The following TTC3 variants were observed in gnomAD, a reference collection of about 807,000 sequenced individuals.
The protein encoded by TTC3 is tetratricopeptide repeat domain 3, also known as E3 ubiquitin-protein ligase TTC3.
TTC3 carries 180 observed loss-of-function variants against 249.6 expected under a neutral mutation model. The observed-to-expected ratio is 0.72, with a 90% CI of 0.64 to 0.82. TTC3 has a LOEUF of 0.82. Among genes scored for constraint, TTC3 ranks in the 40% least tolerant of loss-of-function variants. TTC3 has a pLI of 0.00. For synonymous variants in TTC3, 717 were observed against 805.0 expected (o/e 0.89, Z 1.85); for missense variants, 2,061 against 2,398.4 (o/e 0.86, Z 2.94).
chr21:37,139,246 T>C (rs1249201696), intron 19 of TTC3, among the ~76,000 whole-genome samples: 1 of 152,164 alleles, frequency 6.6e-6, no homozygotes, highest in Non-Finnish European at 1.5e-5. Context: ...GTATCTCTTA[T>C]TTGTACGTAG....
At chr21:37,136,225 G>A (rs994961473) in intron 18 of TTC3, among the ~76,000 whole-genome samples, 1 of 152,060 alleles carries the variant, frequency 6.6e-6, no homozygotes, top group African/African-American at 2.4e-5. Flanking sequence ...TGGCCTCTAA[G>A]TATTCAAGTG....
chr21:37,170,570 A>G (rs556651118), intron 34 of TTC3, among the ~76,000 whole-genome samples: 1 of 152,354 alleles, frequency 6.6e-6, no homozygotes, highest in Non-Finnish European at 1.5e-5. Flanking sequence ...CTAAACCTCC[A>G]TCAATAGCGG....
At chr21:37,151,844 C>T in intron 25 of TTC3, 49 bp from the exon 26 acceptor site, 2 of 1,492,778 alleles carry the variant, frequency 1.3e-6, no homozygotes, top group Non-Finnish European at 1.8e-6. Flanking sequence ...CTACGATAGT[C>T]AAAGGAAAAC....
rs537695295 is a variant in TTC3 at position 37,087,172 on chromosome 21, A to G, written c.-11-75A>G. The G allele has an allele frequency of 5.2e-5, 80 of 1,535,568 alleles. No homozygotes were observed. The East Asian group carries it at 1.4e-3, about 28-fold the overall frequency. On this transcript the variant is annotated intron_variant, in intron 1 of 45. Transcript: ENST00000355666. ...GTTCCAAGTATTTTTCTAATATACCATAGAAGCCAGGAAAACTTTCTTCTG... is the reference window on the plus strand; with the variant it reads ...GTTCCAAGTATTTTTCTAATATACCGTAGAAGCCAGGAAAACTTTCTTCTG...
In TTC3 at chr21:37,136,136, G is replaced by T. The variant is rs1050660815; in HGVS notation, c.1578+622G>T. 2.0e-5 allele frequency among the ~76,000 whole-genome samples: 3 copies of T among 152,078 alleles called. No individual in the cohort carries two copies. The South Asian group carries it at 6.2e-4, about 32-fold the overall frequency. On this transcript the variant is annotated intron_variant, in intron 18 of 45. Transcript: ENST00000355666. ...GTTCTGAGTGCTCTGCCAACCAGCTGTTATCTCCACCCCCTTCCTTAAGTC... is the reference window on the plus strand; with the variant it reads ...GTTCTGAGTGCTCTGCCAACCAGCTTTTATCTCCACCCCCTTCCTTAAGTC...
Position 37,130,824 on chromosome 21 carries a change from A to G in TTC3, c.1358+1761A>G, listed in dbSNP as rs144822098. 1.5e-3 allele frequency among the ~76,000 whole-genome samples: 224 copies of G among 152,184 alleles called. 2 individuals are homozygous for G. Among genetic ancestry groups the G allele is most frequent in the African/African-American group, 4.9e-3 (205 of 41,488 alleles). ...TCTTCCTTTGAGAGGGATAGATCAG[A>G]CAGTACTTCAAACATCCTTGCACAT... On this transcript the variant is annotated intron_variant, in intron 16 of 45. Coordinates refer to ENST00000355666, the Ensembl canonical transcript of TTC3.
intron 11 of TTC3, among the ~76,000 whole-genome samples, chr21:37,110,637 T>C (rs2075573012): frequency 6.6e-6 from 1 of 152,160 alleles, no homozygotes. Flanking sequence ...ATCTGTAGGA[T>C]ATTATCCAGG....
chr21:37,111,508 A>G (rs2075659172), intron 11 of TTC3, among the ~76,000 whole-genome samples: 1 of 152,208 alleles, frequency 6.6e-6, no homozygotes, highest in African/African-American at 2.4e-5. Flanking sequence ...ACTATCCTAA[A>G]TATATATGCA....
chr21:37,122,417 ATAATATATATATATATATATT>A (rs1298006005), intron 12 of TTC3, among the ~76,000 whole-genome samples: 15 of 131,896 alleles, frequency 1.1e-4, no homozygotes, highest in South Asian at 2.2e-4. Flanking sequence ...ATATATATAT[ATAATATATATATATATATATT>A]ATATATATAT....
chr21:37,178,758 GA>G (rs1396387122), intron 35 of TTC3, among the ~76,000 whole-genome samples: 1 of 151,952 alleles, frequency 6.6e-6, no homozygotes, highest in African/African-American at 2.4e-5. Flanking sequence ...CCAGGAGTTT[GA>G]AACCAGCCTG....
chr21:37,154,984 C>T lies in TTC3; in HGVS notation c.2741-1671C>T, dbSNP rs144013531. 5.3e-4 allele frequency among the ~76,000 whole-genome samples: 80 copies of T among 152,222 alleles called. 1 individual carries two copies. The East Asian group carries it at 0.011, about 21-fold the overall frequency. ...TGCTGGGATTACAGGCGTCAGCCAC[C>T]GCGCCCGGTCGATATAATCCATGTT... On this transcript the variant is annotated intron_variant, in intron 27 of 45. Coordinates refer to ENST00000355666, the Ensembl canonical transcript of TTC3.
intron 28 of TTC3, 97 bp from the exon 29 acceptor site, chr21:37,159,602 A>T: frequency 7.4e-7 from 1 of 1,345,720 alleles, no homozygotes; most frequent in East Asian, 2.4e-5. Flanking sequence ...AACATGGCCT[A>T]TGCCAGTAGT....
intron 1 of TTC3, among the ~76,000 whole-genome samples, chr21:37,081,057 A>C (rs1164092518): frequency 1.3e-5 from 2 of 149,168 alleles, no homozygotes. Flanking sequence ...GTAGGGTAGG[A>C]ATACTATTCT....
rs1022049643 is a variant in TTC3 at position 37,140,119 on chromosome 21, C to T, written c.1660-442C>T. 2.6e-5 allele frequency among the ~76,000 whole-genome samples: 4 copies of T among 152,126 alleles called. No individual in the cohort carries two copies. The East Asian group carries it at 5.8e-4, about 22-fold the overall frequency. On this transcript the variant is annotated intron_variant, in intron 19 of 45. Transcript: ENST00000355666. ...TGGGCTGTTTTTAAGACAGAGCTTT[C>T]ATCCGTCTTGTGCCACAAAAGACTG... is the stretch of plus-strand genomic sequence containing the variant.
At chr21:37,181,031 C>T (rs1003356904) in intron 35 of TTC3, among the ~76,000 whole-genome samples, 6 of 151,998 alleles carry the variant, frequency 3.9e-5, no homozygotes, top group Non-Finnish European at 5.9e-5. Context: ...TTGTTTTATG[C>T]TAAGTTTGAA....
At chr21:37,201,070 G>T (rs1256057575) in intron 45 of TTC3, among the ~76,000 whole-genome samples, 1 of 152,160 alleles carries the variant, frequency 6.6e-6, no homozygotes, top group Non-Finnish European at 1.5e-5. Flanking sequence ...AAGGGCCAAG[G>T]CCAGGCCAAG....
chr21:37,126,395 C>G (rs1010687304), intron 15 of TTC3, among the ~76,000 whole-genome samples: 1 of 152,052 alleles, frequency 6.6e-6, no homozygotes, highest in African/African-American at 2.4e-5. Flanking sequence ...TCTTTTTGGT[C>G]TGCTTCTTAA....
exon 33 of TTC3, chr21:37,165,809 G>A (rs1311588596): frequency 1.2e-6 from 2 of 1,614,024 alleles, no homozygotes; most frequent in Non-Finnish European, 1.7e-6. Flanking sequence ...AAAAGCAGGG[G>A]AGTATGTACG....
At chr21:37,140,420 A>C in intron 19 of TTC3, 141 bp from the exon 20 acceptor site, 1 of 546,770 alleles carries the variant, frequency 1.8e-6, no homozygotes. Flanking sequence ...AAAGTGAAAC[A>C]CAGAGGTATA....
Sources: gnomAD v4.1 joint callset for allele counts (sites outside exome capture counted in the v4.1 genomes callset) on GRCh38, gnomAD v4.1.1 for gene constraint, MANE v1.5 for transcripts, NCBI Gene and HGNC (gene_info 2026-07-23, HGNC 2026-07-21) for gene names.